Variants in PTPRD observed in about 807,000 individuals in gnomAD.
The protein encoded by PTPRD is receptor-type tyrosine-protein phosphatase delta.
A neutral mutation model predicts 214.5 loss-of-function variants in PTPRD; 34 were observed. That is an observed-to-expected ratio of 0.16 (90% confidence interval 0.12 to 0.21). PTPRD has a LOEUF of 0.21. Ranked by LOEUF, PTPRD falls within the 10% of genes least tolerant of loss-of-function variation. The probability of loss-of-function intolerance (pLI) is 1.00; values close to 1 mark genes in which losing one functional copy is unlikely to be tolerated. For missense variants in PTPRD, 2,545 were observed against 2,398.7 expected (o/e 1.06, Z -1.27); for synonymous variants, 1,128 against 845.7 (o/e 1.33, Z -5.79).
intron 2 of PTPRD, among the ~76,000 whole-genome samples, chr9:10,503,213 A>AAC (rs2044483920): frequency 1.3e-5 from 2 of 149,478 alleles, no homozygotes; most frequent in Non-Finnish European, 3.0e-5. Flanking sequence ...AAAAACAAAA[A>AAC]AAAACACCAT....
chr9:8,634,883 G>A (rs1473349347), intron 13 of PTPRD, among the ~76,000 whole-genome samples: 3 of 151,360 alleles, frequency 2.0e-5, no homozygotes, highest in East Asian at 1.9e-4. Flanking sequence ...CACATTACAC[G>A]CCAGTGATGT....
chr9:8,898,019 C>T (rs1233505143), intron 11 of PTPRD, among the ~76,000 whole-genome samples: 1 of 152,130 alleles, frequency 6.6e-6, no homozygotes, highest in African/African-American at 2.4e-5. Flanking sequence ...GATTCATTAG[C>T]TGAAATATGG....
chr9:10,241,073 G>C (rs2090946752), intron 3 of PTPRD, among the ~76,000 whole-genome samples: 1 of 150,910 alleles, frequency 6.6e-6, no homozygotes, highest in Admixed American at 6.6e-5. Flanking sequence ...TATCTATATG[G>C]ATTACAAATA....
At chr9:8,841,790 T>A (rs2097563727) in intron 11 of PTPRD, among the ~76,000 whole-genome samples, 1 of 151,766 alleles carries the variant, frequency 6.6e-6, no homozygotes, top group African/African-American at 2.4e-5. Context: ...GGCGGGTGGA[T>A]CATTTGAGGT....
intron 4 of PTPRD, among the ~76,000 whole-genome samples, chr9:9,982,083 C>T (rs1313305934): frequency 6.6e-6 from 1 of 152,178 alleles, no homozygotes; most frequent in African/African-American, 2.4e-5. Flanking sequence ...CAGTATGCCT[C>T]TCCTTGGTGG....
intron 11 of PTPRD, among the ~76,000 whole-genome samples, chr9:8,959,661 C>T (rs993392011): frequency 6.6e-5 from 10 of 151,846 alleles, no homozygotes; most frequent in African/African-American, 2.4e-4. Flanking sequence ...TATTTAGATG[C>T]AGTAAGTTGG....
intron 4 of PTPRD, among the ~76,000 whole-genome samples, chr9:10,022,457 T>G (rs904178438): frequency 6.6e-5 from 10 of 151,632 alleles, no homozygotes; most frequent in African/African-American, 1.9e-4. Context: ...CACTTTCCCT[T>G]TCATATTCAG....
intron 4 of PTPRD, among the ~76,000 whole-genome samples, chr9:10,011,025 A>G (rs1156385099): frequency 6.6e-6 from 1 of 152,010 alleles, no homozygotes; most frequent in East Asian, 1.9e-4. Context: ...CAAATCCTAC[A>G]AAGTTGTTCA....
chr9:9,454,916 A>G (rs988925894), intron 8 of PTPRD, among the ~76,000 whole-genome samples: 3 of 151,476 alleles, frequency 2.0e-5, no homozygotes, highest in African/African-American at 7.3e-5. Flanking sequence ...CAAGCATTTC[A>G]TTGTTTAAAT....
chr9:9,386,585 AGAG>A (rs2063947605), intron 9 of PTPRD, among the ~76,000 whole-genome samples: 1 of 152,178 alleles, frequency 6.6e-6, no homozygotes, highest in African/African-American at 2.4e-5. Flanking sequence ...ATATATTTGT[AGAG>A]GAGGAGGTGA....
chr9:8,552,848 C>G lies in PTPRD; in HGVS notation c.353-24069G>C, dbSNP rs375435595. ...TGTCACAAGTAGATACTTGGCAAGT[C>G]ACTAGCACTGGGGCTGCTTGTGAGC... On this transcript the variant is annotated intron_variant, in intron 14 of 45. Transcript: ENST00000381196. 2.0e-5 allele frequency among the ~76,000 whole-genome samples: 3 copies of G among 152,264 alleles called. No homozygotes were observed. In the East Asian group the frequency reaches 5.8e-4, roughly 29 times the overall value.
At chr9:8,511,689 G>T (rs2097685807) in intron 21 of PTPRD, among the ~76,000 whole-genome samples, 2 of 151,856 alleles carry the variant, frequency 1.3e-5, no homozygotes. Context: ...GACATGGAAA[G>T]CAAAAATAAA....
intron 2 of PTPRD, among the ~76,000 whole-genome samples, chr9:10,498,273 G>A (rs961301817): frequency 2.6e-5 from 4 of 151,756 alleles, no homozygotes; most frequent in Non-Finnish European, 5.9e-5. Context: ...TCCTCCTAAG[G>A]GCCTAGAAGG....
At chr9:8,510,828 T>C (rs2097663265) in intron 21 of PTPRD, among the ~76,000 whole-genome samples, 1 of 152,114 alleles carries the variant, frequency 6.6e-6, no homozygotes, top group African/African-American at 2.4e-5. Context: ...ATAAAATGAA[T>C]GTATTTTTAA....
At chr9:10,516,239 C>CT (rs1008261500) in intron 2 of PTPRD, among the ~76,000 whole-genome samples, 31 of 151,892 alleles carry the variant, frequency 2.0e-4, no homozygotes, top group Admixed American at 9.8e-4. Flanking sequence ...CAACACTTGT[C>CT]TTTTTTTAAA....
At chr9:9,193,320 A>G (rs900610160) in intron 9 of PTPRD, among the ~76,000 whole-genome samples, 6 of 152,162 alleles carry the variant, frequency 3.9e-5, no homozygotes, top group African/African-American at 1.4e-4. Flanking sequence ...GCATGTGAAC[A>G]TGATAATTAT....
intron 4 of PTPRD, among the ~76,000 whole-genome samples, chr9:9,955,976 G>T (rs1407086610): frequency 6.6e-6 from 1 of 152,030 alleles, no homozygotes; most frequent in Non-Finnish European, 1.5e-5. Context: ...TGGTGGGGGG[G>T]ATCTAAAATC....
chr9:9,986,299 A>G (rs1009750662), intron 4 of PTPRD, among the ~76,000 whole-genome samples: 1 of 152,162 alleles, frequency 6.6e-6, no homozygotes, highest in African/African-American at 2.4e-5. Flanking sequence ...TCACTTTTGC[A>G]TTGTAGTATT....
chr9:8,428,686 T>C (rs1048244289), intron 35 of PTPRD, among the ~76,000 whole-genome samples: 1 of 152,120 alleles, frequency 6.6e-6, no homozygotes, highest in African/African-American at 2.4e-5. Context: ...TGTGTGTGTG[T>C]ATGTGTGTGT....
Sources: allele counts gnomAD v4.1 joint callset (sites outside exome capture counted in the v4.1 genomes callset), GRCh38; gene constraint gnomAD v4.1.1; transcripts MANE v1.5; gene names NCBI Gene and HGNC (gene_info 2026-07-23, HGNC 2026-07-21).